Variants in TRIM2 observed in about 807,000 individuals in gnomAD.
The protein encoded by TRIM2 is tripartite motif-containing protein 2.
TRIM2 carries 20 observed loss-of-function variants against 75.2 expected under a neutral mutation model. The observed-to-expected ratio is 0.27, with a 90% CI of 0.19 to 0.39. The LOEUF is 0.39. Among genes scored for constraint, TRIM2 ranks in the 10% least tolerant of loss-of-function variants. TRIM2 has a pLI of 1.00. For missense variants in TRIM2, 660 were observed against 990.8 expected, an observed-to-expected ratio of 0.67 and a Z score of 4.48; for synonymous variants, 373 against 388.3, an observed-to-expected ratio of 0.96 and a Z score of 0.46.
intron 1 of TRIM2, among the ~76,000 whole-genome samples, chr4:153,229,715 G>A (rs1743106546): frequency 6.6e-6 from 1 of 152,224 alleles, no homozygotes. Flanking sequence ...GCCAGGGTAT[G>A]AAATTCTGAA....
At chr4:153,244,022 G>C (rs1747434996) in intron 1 of TRIM2, among the ~76,000 whole-genome samples, 1 of 151,734 alleles carries the variant, frequency 6.6e-6, no homozygotes, top group Non-Finnish European at 1.5e-5. Flanking sequence ...GTCTCCCTAT[G>C]TTGCCCAGGC....
chr4:153,206,704 G>T (rs1031848557), intron 1 of TRIM2, among the ~76,000 whole-genome samples: 2 of 152,138 alleles, frequency 1.3e-5, no homozygotes, highest in Non-Finnish European at 2.9e-5. Flanking sequence ...GGGTCAGGGG[G>T]TGTGTATGGG....
chr4:153,291,068 A>C (rs1761757996), intron 3 of TRIM2, among the ~76,000 whole-genome samples: 4 of 135,392 alleles, frequency 3.0e-5, no homozygotes, highest in Admixed American at 2.8e-4. Context: ...TTTATATGAC[A>C]AAAAAAAAGT....
intron 1 of TRIM2, among the ~76,000 whole-genome samples, chr4:153,230,601 T>G (rs538843777): frequency 6.6e-6 from 1 of 152,370 alleles, no homozygotes; most frequent in African/African-American, 2.4e-5. Context: ...GCTGGAAATA[T>G]GGGGACTGTC....
chr4:153,295,375 C>T lies in TRIM2; in HGVS notation c.849C>T (p.Asn283=), dbSNP rs1194057982. The change falls in exon 6 of 12, where the codon AAC becomes AAT. Residue 283 remains asparagine (N), a synonymous_variant. Coordinates refer to ENST00000338700, the MANE Select transcript of TRIM2 (RefSeq NM_015271.5). The surrounding 1 kb of genome is among the most constrained non-coding windows in gnomAD (Gnocchi z 7.2). The part of the protein sequence containing the change: ...QGQESIKSCS[N]FTAQALNHGT... ...AGGAGAGCATTAAGAGCTGCAGCAACTTCACAGCGCAGGCCCTCAACCATG... is the reference window on the plus strand; with the variant it reads ...AGGAGAGCATTAAGAGCTGCAGCAATTTCACAGCGCAGGCCCTCAACCATG... The T allele has an allele frequency of 6.2e-7, 1 of 1,613,788 alleles. No homozygotes were observed. Among genetic ancestry groups the T allele is most frequent in the Admixed American group, 1.7e-5 (1 of 59,980 alleles).
rs376314300 is a variant in TRIM2 at position 153,314,244 on chromosome 4, C to A, written c.1511-1241C>A. 1.1e-4 allele frequency among the ~76,000 whole-genome samples: 16 copies of A among 144,448 alleles called. 1 individual carries two copies. Among genetic ancestry groups the A allele is most frequent in the African/African-American group, 4.6e-4 (16 of 34,450 alleles). 94.8% of individuals were successfully genotyped at this position (144,448 alleles called of 152,430 possible). A position where few individuals can be genotyped will look rare whatever the true frequency, so the allele number is the denominator to read the frequency against. Reference sequence around the variant, plus strand: ...GACCATCCCGGCTAAAACGGTGAAACCCTGTCTCTACTAAAAATACAAAAA... The same window carrying A: ...GACCATCCCGGCTAAAACGGTGAAAACCTGTCTCTACTAAAAATACAAAAA... On this transcript the variant is annotated intron_variant, in intron 6 of 11. Transcript: ENST00000338700.
upstream of TRIM2, chr4:153,152,213 G>A (rs1406088540): frequency 2.0e-5 from 3 of 152,136 alleles, no homozygotes; most frequent in East Asian, 5.8e-4. Flanking sequence ...CAGTTGTCAA[G>A]GGAACCGCGT....
chr4:153,181,089 T>C (rs1327689616), intron 1 of TRIM2, among the ~76,000 whole-genome samples: 1 of 152,092 alleles, frequency 6.6e-6, no homozygotes, highest in Non-Finnish European at 1.5e-5. Context: ...ATAATAATGA[T>C]AAAAAGAGAG....
intron 1 of TRIM2, among the ~76,000 whole-genome samples, chr4:153,239,567 T>C (rs1745964746): frequency 6.6e-6 from 1 of 152,148 alleles, no homozygotes; most frequent in Non-Finnish European, 1.5e-5. Context: ...AAAAGTGCCT[T>C]GTGTCTAGTA....
In TRIM2 at chr4:153,335,543, A is replaced by G; in HGVS notation, c.*577A>G. 5 of 985,362 alleles carry G rather than the reference A, an allele frequency of 5.1e-6. No individual in the cohort carries two copies. The highest frequency in any genetic ancestry group is 6.0e-6 in the Non-Finnish European group (5 of 829,900). The allele number at this position is 985,362 out of a possible 1,614,324, so 61.0% of individuals were successfully genotyped here. On this transcript the variant is annotated 3_prime_UTR_variant, in exon 12 of 12. Coordinates refer to ENST00000338700, the MANE Select transcript of TRIM2 (RefSeq NM_015271.5). ...CCAGCTCTGATTAGCAGCCCTCTGG[A>G]GTTCAGAACTTAAGTATCAGTGCAA...
At position 153,328,458 on chromosome 4, in the gene TRIM2, A is replaced by AT. The variant is rs35996668; in HGVS notation, c.2023-65dup. ...TTATAAATAACCTGCTCAAATAGAT[A>AT]TTTTTTTAATCCATCATGTTGGTTC... On this transcript the variant is annotated intron_variant, in intron 10 of 11. Transcript: ENST00000338700. 98 of 1,371,160 alleles carry AT rather than the reference A, an allele frequency of 7.1e-5. No homozygotes were observed. The African/African-American group carries it at 1.0e-3, about 14-fold the overall frequency. 84.9% of individuals were successfully genotyped at this position (1,371,160 alleles called of 1,614,324 possible).
chr4:153,183,070 G>A (rs1460911527), intron 1 of TRIM2, among the ~76,000 whole-genome samples: 2 of 152,222 alleles, frequency 1.3e-5, no homozygotes, highest in African/African-American at 4.8e-5. Flanking sequence ...ATGAATGAGT[G>A]GCTGAATAGG....
intron 3 of TRIM2, among the ~76,000 whole-genome samples, chr4:153,291,058 T>C (rs1255545418): frequency 6.6e-6 from 1 of 150,774 alleles, no homozygotes; most frequent in Non-Finnish European, 1.5e-5. Flanking sequence ...AAAAAGTGTC[T>C]TTATATGACA....
At chr4:153,252,837 C>T (rs923286612) in intron 1 of TRIM2, among the ~76,000 whole-genome samples, 3 of 152,176 alleles carry the variant, frequency 2.0e-5, no homozygotes, top group African/African-American at 7.2e-5. Context: ...TCATAAACTA[C>T]CAGATATGAA....
At chr4:153,213,414 T>G (rs1459249403) in intron 1 of TRIM2, among the ~76,000 whole-genome samples, 1 of 152,260 alleles carries the variant, frequency 6.6e-6, no homozygotes, top group Non-Finnish European at 1.5e-5. Flanking sequence ...CAATAATAGC[T>G]TATAATGATA....
chr4:153,264,495 T>C (rs1395311461), intron 1 of TRIM2, among the ~76,000 whole-genome samples: 4 of 151,764 alleles, frequency 2.6e-5, no homozygotes, highest in Admixed American at 2.6e-4. Context: ...TATAGTGCAC[T>C]GACTTCCACT....
At chr4:153,197,859 G>A (rs555902601) in intron 1 of TRIM2, among the ~76,000 whole-genome samples, 11 of 152,246 alleles carry the variant, frequency 7.2e-5, no homozygotes, top group South Asian at 6.2e-4. Context: ...GGCAACAAGA[G>A]CGAAACTCCG....
Position 153,295,848 on chromosome 4 carries a change from G to A in TRIM2, c.1322G>A (p.Gly441Asp), listed in dbSNP as rs758439881. Residue 441 changes from glycine to aspartate, a missense_variant, in exon 6 of 12, where the codon GGC (glycine) becomes GAC (aspartate). By Grantham distance (94) the Gly-to-Asp change is moderately conservative. This residue lies in a region of TRIM2 where 620 missense variants were observed against 891.0 expected (regional missense o/e 0.70). Coordinates refer to ENST00000338700, the MANE Select transcript of TRIM2 (RefSeq NM_015271.5). This position sits in a 1 kb window ranked among gnomAD's most constrained non-coding sequence, Gnocchi z 7.2. ...SLRLYDQHIRGSPFKLKVIRS... is the reference protein window; with the variant it reads ...SLRLYDQHIRDSPFKLKVIRS... Reference sequence around the variant, plus strand: ...AGACTCTATGACCAGCACATCCGAGGCAGCCCGTTTAAGCTGAAAGTGATC... The same window carrying A: ...AGACTCTATGACCAGCACATCCGAGACAGCCCGTTTAAGCTGAAAGTGATC... 1.2e-6 allele frequency: 2 copies of A among 1,614,116 alleles called. No homozygotes were observed. The highest frequency in any genetic ancestry group is 1.7e-6 in the Non-Finnish European group (2 of 1,180,014).
upstream of TRIM2, among the ~76,000 whole-genome samples, chr4:153,201,488 A>G (rs1734362089): frequency 6.6e-6 from 1 of 152,070 alleles, no homozygotes; most frequent in Non-Finnish European, 1.5e-5. Flanking sequence ...ATTTTCTCCC[A>G]TTCTATAGGT....
Sources: allele counts gnomAD v4.1 joint callset (sites outside exome capture counted in the v4.1 genomes callset), GRCh38; gene constraint gnomAD v4.1.1; regional missense constraint gnomAD v4.1.1; non-coding constraint Gnocchi (gnomAD v3.1); transcripts MANE v1.5; gene names NCBI Gene and HGNC (gene_info 2026-07-23, HGNC 2026-07-21).